Variants in GGH observed in about 807,000 individuals in gnomAD.
The protein encoded by GGH is gamma-Glu-X carboxypeptidase.
A neutral mutation model predicts 39.2 loss-of-function variants in GGH; 18 were observed. The observed-to-expected ratio is 0.46, with a 90% CI of 0.32 to 0.68. GGH has a LOEUF of 0.68. GGH is among the 30% of genes least tolerant of loss of function. The probability of loss-of-function intolerance (pLI) is 0.04; values close to 1 mark genes in which losing one functional copy is unlikely to be tolerated. For synonymous variants in GGH, 147 were observed against 138.8 expected (o/e 1.06, Z -0.42); for missense variants, 367 against 384.1 (o/e 0.96, Z 0.37).
At chr8:63,033,768 C>T (rs1804848442) in intron 2 of GGH, among the ~76,000 whole-genome samples, 1 of 151,800 alleles carries the variant, frequency 6.6e-6, no homozygotes, top group Non-Finnish European at 1.5e-5. Flanking sequence ...TTTTTCAGCC[C>T]TTATTGCCCT....
Position 63,015,278 on chromosome 8 carries a change from A to C in GGH, c.*54T>G. On this transcript the variant is annotated 3_prime_UTR_variant, in exon 9 of 9. Coordinates refer to ENST00000260118, the MANE Select transcript of GGH (RefSeq NM_003878.3). ...CTTGCCATGAGTAGCAAGTTATTCT[A>C]ACAGTTTAATCATGGAATTATTCAA... 1 of 944,240 alleles carries C rather than the reference A, an allele frequency of 1.1e-6. No homozygotes were observed. The highest frequency in any genetic ancestry group is 1.6e-6 in the Non-Finnish European group (1 of 616,844). The allele number at this position is 944,240 out of a possible 1,614,324, so 58.5% of individuals were successfully genotyped here.
intron 7 of GGH, 171 bp from the exon 8 acceptor site, chr8:63,017,801 A>T: frequency 2.0e-6 from 1 of 511,196 alleles, no homozygotes; most frequent in Admixed American, 3.8e-5. Context: ...TCAATGTGAA[A>T]ATTCCCTGTA....
At chr8:63,036,364 G>T (rs1804909263) in intron 1 of GGH, among the ~76,000 whole-genome samples, 1 of 152,134 alleles carries the variant, frequency 6.6e-6, no homozygotes, top group Admixed American at 6.5e-5. Context: ...ATATACTGTT[G>T]AATCATACCT....
intron 2 of GGH, among the ~76,000 whole-genome samples, chr8:63,034,467 C>T (rs981983090): frequency 2.0e-5 from 3 of 151,980 alleles, no homozygotes; most frequent in African/African-American, 7.3e-5. Context: ...ACAGGCTGTA[C>T]AGAATAAATA....
chr8:63,026,210 T>A lies in GGH; in HGVS notation c.447A>T (p.Leu149Phe), dbSNP rs763458252. The stretch of plus-strand genomic sequence containing the variant: ...CGTCAACAGTATCTGTGGCAGTTAA[T>A]AAGCACTCTCCACTAATCAGCAGTG... ...ELSLLISGEC[L>F]LTATDTVDVA... Residue 149 changes from leucine (L) to phenylalanine (F), a missense_variant, in exon 5 of 9, where the codon TTA (leucine) becomes TTT (phenylalanine). Coordinates refer to ENST00000260118, the MANE Select transcript of GGH (RefSeq NM_003878.3). 1 of 1,611,218 alleles carries A rather than the reference T, an allele frequency of 6.2e-7. No homozygotes were observed.
chr8:63,023,208 A>G (rs1449464693), intron 7 of GGH, among the ~76,000 whole-genome samples: 1 of 152,162 alleles, frequency 6.6e-6, no homozygotes, highest in Non-Finnish European at 1.5e-5. Context: ...GATTTGTCCA[A>G]CTTCCCAGTT....
At position 63,025,722 on chromosome 8, in the gene GGH, C is replaced by T. The variant is rs112199639; in HGVS notation, c.499+436G>A. On this transcript the variant is annotated intron_variant, in intron 5 of 8. Coordinates refer to ENST00000260118, the MANE Select transcript of GGH (RefSeq NM_003878.3). ...CTCCAGACTGAGTGACAGAGAGAGA[C>T]TCTGTCTTAAAAAGAAAAAAAAAAA... Among the ~76,000 whole-genome samples, 174 of 151,902 alleles carry T rather than the reference C, an allele frequency of 1.1e-3. 1 individual carries two copies. Among genetic ancestry groups the T allele is most frequent in the East Asian group, 3.9e-3 (20 of 5,164 alleles).
In GGH at chr8:63,038,797, A is replaced by G. The variant is rs1268151813; in HGVS notation, c.-29T>C. The G allele has an allele frequency of 2.1e-6, 3 of 1,396,752 alleles. No individual in the cohort carries two copies. The highest frequency in any genetic ancestry group is 2.6e-5 in the East Asian group (1 of 38,056). 86.5% of individuals were successfully genotyped at this position (1,396,752 alleles called of 1,614,324 possible). On this transcript the variant is annotated 5_prime_UTR_variant, in exon 1 of 9. Transcript: ENST00000260118. ...GCTCGCCGCCTCCCGCCGCCTTTCA[A>G]AAGCTCTGCGGGCGGGCGGGGGCTG... is the stretch of plus-strand genomic sequence containing the variant.
rs1804902481 is a variant in GGH at position 63,036,061 on chromosome 8, GA to G, written c.110-292del. On this transcript the variant is annotated intron_variant, in intron 1 of 8. Coordinates refer to ENST00000260118, the MANE Select transcript of GGH (RefSeq NM_003878.3). ...ACTGTAGACCTAGAATCCATCTAAA[GA>G]ATATAGATCCTTAAATTTACAAGGC... Among the ~76,000 whole-genome samples the G allele has an allele frequency of 2.0e-5, 3 of 152,116 alleles. No individual in the cohort carries two copies. The South Asian group carries it at 6.2e-4, about 31-fold the overall frequency.
At chr8:63,018,387 C>T (rs1484193012) in intron 7 of GGH, among the ~76,000 whole-genome samples, 1 of 152,190 alleles carries the variant, frequency 6.6e-6, no homozygotes, top group Non-Finnish European at 1.5e-5. Flanking sequence ...CAAATCTCCC[C>T]TCTATTATTT....
At chr8:63,022,238 C>A (rs190867699) in intron 7 of GGH, among the ~76,000 whole-genome samples, 8 of 151,918 alleles carry the variant, frequency 5.3e-5, no homozygotes, top group Non-Finnish European at 8.8e-5. Context: ...TTTCTAAAAC[C>A]TTATTGTAGT....
chr8:63,027,215 T>G lies in GGH; in HGVS notation c.326A>C (p.Lys109Thr), dbSNP rs780793720. ...SVDLRRSDYAKVAKIFYNLSI... is the reference protein window; with the variant it reads ...SVDLRRSDYATVAKIFYNLSI... ...CAAGTTATAAAATATTTTGGCCACT[T>G]TAGCATAATCTGAGCGTCTGAGGTC... is the stretch of plus-strand genomic sequence containing the variant. The change falls in exon 4 of 9, where the codon AAA (lysine) becomes ACA (threonine). Residue 109 changes from lysine to threonine, a missense_variant. Transcript: ENST00000260118. The G allele has an allele frequency of 5.7e-6, 9 of 1,580,972 alleles. No individual in the cohort carries two copies. In the South Asian group the frequency reaches 6.6e-5, roughly 12 times the overall value.
At chr8:63,035,547 C>T (rs1804890440) in intron 2 of GGH, 109 bp downstream of exon 2, 2 of 1,444,420 alleles carry the variant, frequency 1.4e-6, no homozygotes, top group Non-Finnish European at 1.8e-6. Context: ...CTCAGTAGTC[C>T]ACCCGCCTTG....
chr8:63,023,794 T>G, intron 7 of GGH, 113 bp downstream of exon 7: 1 of 743,372 alleles, frequency 1.3e-6, no homozygotes, highest in Admixed American at 4.2e-5. Context: ...CAAAATGCCC[T>G]AACACCCCTC....
chr8:63,016,756 T>C (rs1804493782), intron 8 of GGH, among the ~76,000 whole-genome samples: 3 of 152,176 alleles, frequency 2.0e-5, no homozygotes, highest in Admixed American at 6.5e-5. Flanking sequence ...AACTAAGAAA[T>C]AGGCATCTAC....
At position 63,038,705 on chromosome 8, in the gene GGH, C is replaced by A; in HGVS notation, c.64G>T (p.Glu22Ter). The A allele has an allele frequency of 6.3e-7, 1 of 1,583,404 alleles. No homozygotes were observed. Among genetic ancestry groups the A allele is most frequent in the South Asian group, 1.1e-5 (1 of 87,246 alleles). Residue 22 changes from glutamate (E) to a stop codon, truncating the protein, a stop_gained, in exon 1 of 9, where the codon GAG (glutamate) becomes TAG (stop). Transcript: ENST00000260118. LOFTEE classifies it high-confidence loss of function. Reference sequence around the variant, plus strand: ...GTGTCGCCGTGGGGTCTAGACAGCTCGAGGCTCGCCGCCCCGCAGAGTAGC... The same window carrying A: ...GTGTCGCCGTGGGGTCTAGACAGCTAGAGGCTCGCCGCCCCGCAGAGTAGC... Reference protein sequence around the residue: ...GLLLCGAASLELSRPHGDTAK... With the variant: ...GLLLCGAASL
intron 7 of GGH, among the ~76,000 whole-genome samples, chr8:63,020,696 G>T (rs1215399102): frequency 6.6e-6 from 1 of 152,190 alleles, no homozygotes; most frequent in Non-Finnish European, 1.5e-5. Flanking sequence ...CAAGAAGCAT[G>T]GCTCTGTGGA....
intron 7 of GGH, among the ~76,000 whole-genome samples, chr8:63,021,528 T>C (rs1804584821): frequency 6.6e-6 from 1 of 152,190 alleles, no homozygotes; most frequent in East Asian, 1.9e-4. Flanking sequence ...TTCGCCAATC[T>C]GATGGGTATA....
chr8:63,035,530 T>A, intron 2 of GGH, 126 bp downstream of exon 2: 1 of 1,371,570 alleles, frequency 7.3e-7, no homozygotes. Context: ...GGTCTCGAAC[T>A]CCTGACCTCA....
Sources: gnomAD v4.1 joint callset for allele counts (sites outside exome capture counted in the v4.1 genomes callset) on GRCh38, gnomAD v4.1.1 for gene constraint, MANE v1.5 for transcripts, NCBI Gene and HGNC (gene_info 2026-07-23, HGNC 2026-07-21) for gene names.